Variants in CRTAC1 observed in about 807,000 individuals in gnomAD.
CRTAC1 encodes the protein acidic secreted protein in cartilage.
Under a neutral mutation model 67.8 loss-of-function variants are expected in CRTAC1, and 37 were observed. The ratio of observed to expected loss-of-function variants is 0.55; its 90% CI spans 0.42 to 0.72. CRTAC1 has a LOEUF of 0.72. Ranked by LOEUF, CRTAC1 falls within the 30% of genes least tolerant of loss-of-function variation. CRTAC1 has a pLI of 0.00. For missense variants in CRTAC1, 780 were observed against 931.6 expected, an observed-to-expected ratio of 0.84 and a Z score of 2.12; for synonymous variants, 348 against 371.0, an observed-to-expected ratio of 0.94 and a Z score of 0.71.
intron 9 of CRTAC1, 77 bp downstream of exon 9, chr10:97,896,832 G>T (rs1027952155): frequency 1.1e-5 from 3 of 266,838 alleles, no homozygotes; most frequent in Non-Finnish European, 1.6e-5. Context: ...TGGCTGCCCC[G>T]TCCCTCCCGC....
chr10:97,959,945 T>G (rs2051499927), intron 2 of CRTAC1, among the ~76,000 whole-genome samples: 1 of 152,258 alleles, frequency 6.6e-6, no homozygotes, highest in African/African-American at 2.4e-5. Context: ...GGAAGGCTCA[T>G]TAGAGACTCA....
Position 98,018,842 on chromosome 10 carries a change from C to T in CRTAC1, c.25-7505G>A, listed in dbSNP as rs181285747. 1.4e-3 allele frequency among the ~76,000 whole-genome samples: 209 copies of T among 152,228 alleles called. 1 individual carries two copies. The highest frequency in any genetic ancestry group is 4.9e-3 in the African/African-American group (205 of 41,534). ...ACACTGCCCCACACAGGCTGGGCCA[C>T]CAGCTCCACAAAGACACCCACAAAA... On this transcript the variant is annotated intron_variant, in intron 1 of 14. Coordinates refer to ENST00000370597, the MANE Select transcript of CRTAC1 (RefSeq NM_018058.7).
chr10:97,891,734 C>T (rs985464108), intron 11 of CRTAC1, among the ~76,000 whole-genome samples: 5 of 152,228 alleles, frequency 3.3e-5, no homozygotes, highest in African/African-American at 7.2e-5. Context: ...TCTCCACTGG[C>T]GCCCTCGCTC....
At chr10:97,919,359 G>T (rs1242342051) in intron 4 of CRTAC1, among the ~76,000 whole-genome samples, 2 of 152,212 alleles carry the variant, frequency 1.3e-5, no homozygotes, top group African/African-American at 4.8e-5. Context: ...TCTCAGTCAG[G>T]TGAATTGGAG....
chr10:97,951,448 G>A (rs887044405), intron 2 of CRTAC1, among the ~76,000 whole-genome samples: 6 of 152,154 alleles, frequency 3.9e-5, no homozygotes, highest in South Asian at 2.1e-4. Flanking sequence ...TACTAAAAGC[G>A]GTCATTCAGA....
chr10:97,879,845 G>T, intron 14 of CRTAC1: 2 of 481,474 alleles, frequency 4.2e-6, no homozygotes, highest in Non-Finnish European at 7.3e-6. Context: ...GGGAAAAAGA[G>T]AAAGGGGGTG....
intron 3 of CRTAC1, among the ~76,000 whole-genome samples, chr10:97,927,127 G>A (rs60280769): frequency 6.6e-6 from 1 of 152,158 alleles, no homozygotes; most frequent in African/African-American, 2.4e-5. Context: ...AAGCTGCAGA[G>A]TTCCTGCGTT....
At chr10:98,012,105 C>G (rs1842921286) in intron 1 of CRTAC1, among the ~76,000 whole-genome samples, 1 of 152,210 alleles carries the variant, frequency 6.6e-6, no homozygotes, top group African/African-American at 2.4e-5. Flanking sequence ...CCAGCAGGAT[C>G]TGGCGGATAG....
At chr10:97,979,440 C>T (rs2051857385) in intron 2 of CRTAC1, among the ~76,000 whole-genome samples, 1 of 152,206 alleles carries the variant, frequency 6.6e-6, no homozygotes, top group Admixed American at 6.5e-5. Context: ...GGGCATCAGG[C>T]TTTGGTGTCC....
intron 2 of CRTAC1, among the ~76,000 whole-genome samples, chr10:97,969,316 A>G (rs2051669416): frequency 6.6e-6 from 1 of 152,258 alleles, no homozygotes; most frequent in Admixed American, 6.5e-5. Flanking sequence ...CAAAGCTCTC[A>G]GGTGTTTTGA....
chr10:97,997,646 AT>A (rs1330816438), intron 2 of CRTAC1, among the ~76,000 whole-genome samples: 1 of 152,190 alleles, frequency 6.6e-6, no homozygotes, highest in Non-Finnish European at 1.5e-5. Flanking sequence ...TGTATGAAAT[AT>A]TTAAAGAATG....
chr10:97,913,030 C>G (rs939300621), intron 5 of CRTAC1, among the ~76,000 whole-genome samples: 1 of 152,066 alleles, frequency 6.6e-6, no homozygotes, highest in African/African-American at 2.4e-5. Context: ...TGGTGAATGC[C>G]ATGATTCGCA....
intron 8 of CRTAC1, among the ~76,000 whole-genome samples, chr10:97,899,000 C>T (rs570491929): frequency 4.7e-4 from 71 of 152,238 alleles, no homozygotes; most frequent in African/African-American, 1.5e-3. Flanking sequence ...CATTAAAGGA[C>T]GTGCAGACTC....
At chr10:97,956,286 T>C (rs57414518) in intron 2 of CRTAC1, among the ~76,000 whole-genome samples, 1 of 152,236 alleles carries the variant, frequency 6.6e-6, no homozygotes, top group Non-Finnish European at 1.5e-5. Context: ...CATGTTCTCA[T>C]GTTCTCCCAA....
At chr10:97,947,996 A>G (rs1156670941) in intron 2 of CRTAC1, among the ~76,000 whole-genome samples, 1 of 152,166 alleles carries the variant, frequency 6.6e-6, no homozygotes, top group African/African-American at 2.4e-5. Flanking sequence ...ATGTCAAAAC[A>G]ATGTTTTGGA....
intron 14 of CRTAC1, chr10:97,879,865 T>TGGGGGGGGGGGGGGGGGG: frequency 8.8e-6 from 2 of 226,626 alleles, no homozygotes; most frequent in Non-Finnish European, 8.7e-6. Flanking sequence ...GGGGACGGGG[T>TGGGGGGGGGGGGGGGGGG]GGGGGTGGAG....
At chr10:97,976,070 A>T (rs1409357003) in intron 2 of CRTAC1, among the ~76,000 whole-genome samples, 1 of 152,118 alleles carries the variant, frequency 6.6e-6, no homozygotes, top group Non-Finnish European at 1.5e-5. Flanking sequence ...GTGCCTGGAG[A>T]GCCTGTTCCT....
At chr10:97,890,223 C>T (rs1413857535) in intron 11 of CRTAC1, among the ~76,000 whole-genome samples, 1 of 152,130 alleles carries the variant, frequency 6.6e-6, no homozygotes, top group African/African-American at 2.4e-5. Flanking sequence ...CTTGAGCGAT[C>T]TTCCTGCCTC....
In CRTAC1 at chr10:98,029,517, C is replaced by T. The variant is rs1439437492; in HGVS notation, c.24+932G>A. 2.9e-5 allele frequency among the ~76,000 whole-genome samples: 4 copies of T among 137,858 alleles called. No homozygotes were observed. Among genetic ancestry groups the T allele is most frequent in the South Asian group, 4.2e-4 (2 of 4,786 alleles). The allele number at this position is 137,858 out of a possible 152,430, so 90.4% of individuals were successfully genotyped here. On this transcript the variant is annotated intron_variant, in intron 1 of 14. Coordinates refer to ENST00000370597, the MANE Select transcript of CRTAC1 (RefSeq NM_018058.7). The surrounding 1 kb of genome is among the most constrained non-coding windows in gnomAD (Gnocchi z 4.7). The stretch of plus-strand genomic sequence containing the variant: ...GCGGCGGCGGCGGCGGCGGCGGCGG[C>T]GGCGGCGGCGGCAGCAGCAGCAATA...
Sources: allele counts gnomAD v4.1 joint callset (sites outside exome capture counted in the v4.1 genomes callset), GRCh38; gene constraint gnomAD v4.1.1; non-coding constraint Gnocchi (gnomAD v3.1); transcripts MANE v1.5; gene names NCBI Gene and HGNC (gene_info 2026-07-23, HGNC 2026-07-21).